EPM2A: variants seen among roughly 807,000 people sequenced by gnomAD.
EPM2A encodes the protein laforin.
In EPM2A, 21 loss-of-function variants were observed where a neutral mutation model predicts 26.5. The observed-to-expected ratio is 0.79, with a 90% CI of 0.56 to 1.14. EPM2A has a LOEUF of 1.14. EPM2A is among the 50% of genes most tolerant of loss of function. EPM2A has a pLI of 0.00. For synonymous variants in EPM2A, 217 were observed against 177.6 expected (o/e 1.22, Z -1.76); for missense variants, 458 against 440.8 (o/e 1.04, Z -0.35).
intron 4 of EPM2A, among the ~76,000 whole-genome samples, chr6:145,473,793 C>A (rs1344108489): frequency 6.6e-6 from 1 of 151,910 alleles, no homozygotes; most frequent in Non-Finnish European, 1.5e-5. Context: ...GAACTTTTAC[C>A]CTAGAATAAT....
At chr6:145,541,965 T>C (rs1780518302) in intron 2 of EPM2A, among the ~76,000 whole-genome samples, 1 of 151,694 alleles carries the variant, frequency 6.6e-6, no homozygotes, top group African/African-American at 2.4e-5. Context: ...TATGAGGAGA[T>C]GATGCTTAAA....
chr6:145,594,440 C>A (rs780267921), intron 2 of EPM2A, among the ~76,000 whole-genome samples: 1 of 151,714 alleles, frequency 6.6e-6, no homozygotes, highest in Non-Finnish European at 1.5e-5. Flanking sequence ...GAGAATACTT[C>A]CTAACTCATT....
intron 2 of EPM2A, among the ~76,000 whole-genome samples, chr6:145,513,320 C>T (rs1780081413): frequency 6.6e-6 from 1 of 152,076 alleles, no homozygotes; most frequent in Non-Finnish European, 1.5e-5. Flanking sequence ...CATAACTATT[C>T]ATCAGAGAAA....
chr6:145,532,602 G>C (rs369910305), intron 2 of EPM2A, among the ~76,000 whole-genome samples: 2 of 152,138 alleles, frequency 1.3e-5, no homozygotes. Flanking sequence ...AGTCAGGGCC[G>C]TGGCTGCAAC....
At chr6:145,653,052 A>G (rs1403814538) in intron 2 of EPM2A, among the ~76,000 whole-genome samples, 1 of 152,250 alleles carries the variant, frequency 6.6e-6, no homozygotes, top group Non-Finnish European at 1.5e-5. Flanking sequence ...AAGAGAAAGT[A>G]AGACAAGAGA....
chr6:145,706,346 C>T (rs1018433007), intron 1 of EPM2A, among the ~76,000 whole-genome samples: 1 of 152,138 alleles, frequency 6.6e-6, no homozygotes, highest in African/African-American at 2.4e-5. Flanking sequence ...TATATGTAAA[C>T]CTGCAAACAG....
intron 2 of EPM2A, among the ~76,000 whole-genome samples, chr6:145,614,367 G>GT: frequency 6.6e-6 from 1 of 152,188 alleles, no homozygotes; most frequent in Non-Finnish European, 1.5e-5. Context: ...TAATAAGACT[G>GT]TTTTGCCTTC....
Position 145,484,343 on chromosome 6 carries a change from C to G in EPM2A, c.555+18179G>C, listed in dbSNP as rs73781827. 4.3e-3 allele frequency among the ~76,000 whole-genome samples: 650 copies of G among 152,032 alleles called. 6 individuals carry two copies. The highest frequency in any genetic ancestry group is 0.014 in the African/African-American group (599 of 41,484). ...CTGTTTTTTTTTCTAAAAGAGCACC[C>G]CAAATATTTTATGAGCTTTAGTCCC... On this transcript the variant is annotated intron_variant, in intron 4 of 4. Transcript: ENST00000638717.
chr6:145,709,433 G>A (rs1782415159), intron 1 of EPM2A, among the ~76,000 whole-genome samples: 3 of 152,222 alleles, frequency 2.0e-5, no homozygotes, highest in Middle Eastern at 3.4e-3. Context: ...TAAGTCTCAC[G>A]ATATCTGATG....
At chr6:145,445,582 A>AT (rs1779119258) in intron 4 of EPM2A, among the ~76,000 whole-genome samples, 1 of 152,124 alleles carries the variant, frequency 6.6e-6, no homozygotes, top group Non-Finnish European at 1.5e-5. Flanking sequence ...AGACTAAGCC[A>AT]TTTTTCTTGA....
At chr6:145,428,800 G>C (rs1778885560) in intron 4 of EPM2A, among the ~76,000 whole-genome samples, 1 of 152,218 alleles carries the variant, frequency 6.6e-6, no homozygotes, top group African/African-American at 2.4e-5. Flanking sequence ...TCATCGCACA[G>C]TAAGAGCCTC....
intron 2 of EPM2A, among the ~76,000 whole-genome samples, chr6:145,549,298 G>C (rs192730618): frequency 6.6e-6 from 1 of 152,222 alleles, no homozygotes; most frequent in East Asian, 1.9e-4. Context: ...TTTTTGGTTT[G>C]AAATTTATAA....
intron 2 of EPM2A, among the ~76,000 whole-genome samples, chr6:145,505,379 T>G (rs952136894): frequency 6.6e-6 from 1 of 151,796 alleles, no homozygotes; most frequent in African/African-American, 2.4e-5. Context: ...TTTTTCTCTC[T>G]TACACACACA....
At chr6:145,678,355 T>C (rs1207038688) in intron 2 of EPM2A, among the ~76,000 whole-genome samples, 7 of 152,026 alleles carry the variant, frequency 4.6e-5, no homozygotes, top group African/African-American at 7.2e-5. Flanking sequence ...GACTTAATGA[T>C]GAAAACACCA....
intron 2 of EPM2A, among the ~76,000 whole-genome samples, chr6:145,590,441 A>G (rs1423867354): frequency 7.7e-6 from 1 of 130,482 alleles, no homozygotes; most frequent in Non-Finnish European, 1.7e-5. Flanking sequence ...AAACTGAAAA[A>G]TAAAAAAAAA....
intron 2 of EPM2A, among the ~76,000 whole-genome samples, chr6:145,562,333 T>A (rs1034936654): frequency 6.6e-6 from 1 of 151,954 alleles, no homozygotes; most frequent in East Asian, 1.9e-4. Context: ...TATTTACCTA[T>A]AAAAGATGCA....
At chr6:145,658,825 C>G (rs1211881839) in intron 2 of EPM2A, among the ~76,000 whole-genome samples, 1 of 152,090 alleles carries the variant, frequency 6.6e-6, no homozygotes, top group African/African-American at 2.4e-5. Flanking sequence ...AGTGGATTAG[C>G]TGCCTTTCTA....
chr6:145,453,573 C>T (rs1469438271), intron 4 of EPM2A, among the ~76,000 whole-genome samples: 2 of 152,112 alleles, frequency 1.3e-5, no homozygotes, highest in African/African-American at 4.8e-5. Flanking sequence ...AATTGTATTG[C>T]AGCTGTGCAA....
At chr6:145,439,240 C>T (rs1031083297) in intron 4 of EPM2A, among the ~76,000 whole-genome samples, 5 of 152,028 alleles carry the variant, frequency 3.3e-5, no homozygotes, top group Non-Finnish European at 7.4e-5. Context: ...TATTCCATGT[C>T]TTTGATATTT....
Sources: allele counts gnomAD v4.1 joint callset (sites outside exome capture counted in the v4.1 genomes callset), GRCh38; gene constraint gnomAD v4.1.1; transcripts MANE v1.5; gene names NCBI Gene and HGNC (gene_info 2026-07-23, HGNC 2026-07-21).